The following IFNLR1 variants were observed in gnomAD, a reference collection of about 807,000 sequenced individuals.
IFNLR1 encodes interferon lambda receptor 1, also known as CRF2-12.
A neutral mutation model predicts 52.5 loss-of-function variants in IFNLR1; 28 were observed. That is an observed-to-expected ratio of 0.53 (90% CI 0.40 to 0.73). IFNLR1 has a LOEUF of 0.73. IFNLR1 is among the 30% of genes least tolerant of loss of function. The pLI, the probability that IFNLR1 is intolerant of heterozygous loss-of-function variation, is 0.00. For missense variants in IFNLR1, 623 were observed against 659.1 expected (o/e 0.95, Z 0.60); for synonymous variants, 276 against 274.9 (o/e 1.00, Z -0.04).
At chr1:24,181,856 C>T (rs1328958447) in intron 1 of IFNLR1, among the ~76,000 whole-genome samples, 1 of 152,100 alleles carries the variant, frequency 6.6e-6, no homozygotes, top group Non-Finnish European at 1.5e-5. Flanking sequence ...GTGAAGGACC[C>T]CCAGCCATGG....
chr1:24,166,275 A>G (rs1481625833), intron 3 of IFNLR1, among the ~76,000 whole-genome samples: 2 of 149,460 alleles, frequency 1.3e-5, no homozygotes, highest in South Asian at 2.1e-4. Flanking sequence ...TTTTCTTCCT[A>G]TGCCTCCTTT....
Position 24,157,029 on chromosome 1 carries a change from C to T in IFNLR1, c.*101G>A, listed in dbSNP as rs1432894930. The T allele has an allele frequency of 9.4e-6, 13 of 1,382,122 alleles. No homozygotes were observed. The East Asian group carries it at 1.2e-4, about 12-fold the overall frequency. The allele number at this position is 1,382,122 out of a possible 1,614,324, so 85.6% of individuals were successfully genotyped here. A position where few individuals can be genotyped will look rare whatever the true frequency, so the allele number is the denominator to read the frequency against. The stretch of plus-strand genomic sequence containing the variant: ...TCCCGGAAGTGCAATGCCCCTCCGC[C>T]GCCCAGGGGAGGTACGGAGGCTCTT... On this transcript the variant is annotated 3_prime_UTR_variant, in exon 7 of 7. Coordinates refer to ENST00000327535, the MANE Select transcript of IFNLR1 (RefSeq NM_170743.4). The surrounding 1 kb of genome is among the most constrained non-coding windows in gnomAD (Gnocchi z 5.1).
At chr1:24,170,121 T>C (rs1644564297) in intron 2 of IFNLR1, among the ~76,000 whole-genome samples, 1 of 152,234 alleles carries the variant, frequency 6.6e-6, no homozygotes. Context: ...CCTTCCGCTA[T>C]GCGAAGACGC....
At chr1:24,161,468 G>A in intron 4 of IFNLR1, 74 bp downstream of exon 4, 1 of 1,515,022 alleles carries the variant, frequency 6.6e-7, no homozygotes, top group Non-Finnish European at 9.0e-7. Flanking sequence ...AGCAGGCTGG[G>A]AGGGTGAGAA....
chr1:24,179,996 G>A (rs1019770209), intron 2 of IFNLR1, among the ~76,000 whole-genome samples: 2 of 152,168 alleles, frequency 1.3e-5, no homozygotes, highest in Non-Finnish European at 2.9e-5. Flanking sequence ...TGATCCCATC[G>A]GGAAAAGTGT....
intron 1 of IFNLR1, 66 bp from the exon 2 acceptor site, chr1:24,180,920 G>A (rs1172831398): frequency 3.2e-6 from 5 of 1,555,148 alleles, no homozygotes; most frequent in Non-Finnish European, 4.3e-6. Flanking sequence ...GCCATCCCAA[G>A]CTGAGGGGCA....
At chr1:24,184,693 GTGA>G (rs150166956) in intron 1 of IFNLR1, among the ~76,000 whole-genome samples, 13 of 152,074 alleles carry the variant, frequency 8.5e-5, no homozygotes, top group African/African-American at 1.7e-4. Flanking sequence ...TATCTACGAG[GTGA>G]TGATGATGAT....
At chr1:24,185,916 G>A (rs1019761373) in intron 1 of IFNLR1, among the ~76,000 whole-genome samples, 5 of 152,322 alleles carry the variant, frequency 3.3e-5, no homozygotes, top group South Asian at 4.1e-4. Flanking sequence ...TGGAAAGGGC[G>A]CTAGGCTCAG....
chr1:24,165,570 A>G (rs1044138897), intron 3 of IFNLR1, among the ~76,000 whole-genome samples: 1 of 152,216 alleles, frequency 6.6e-6, no homozygotes, highest in Non-Finnish European at 1.5e-5. Flanking sequence ...TGGAGAGGGC[A>G]ATGTGACAAG....
chr1:24,170,253 A>G (rs541500757), intron 2 of IFNLR1, among the ~76,000 whole-genome samples: 13 of 152,328 alleles, frequency 8.5e-5, no homozygotes, highest in African/African-American at 3.1e-4. Context: ...TTATTTATTA[A>G]TTGCTATTAT....
intron 3 of IFNLR1, among the ~76,000 whole-genome samples, chr1:24,168,170 T>C (rs1260943651): frequency 3.3e-5 from 5 of 152,058 alleles, no homozygotes; most frequent in African/African-American, 1.2e-4. Context: ...TCCTCCTCCA[T>C]CCCCTCCATC....
At chr1:24,187,161 C>G in intron 1 of IFNLR1, 30 bp downstream of exon 1, 1 of 1,348,478 alleles carries the variant, frequency 7.4e-7, no homozygotes, top group Non-Finnish European at 9.6e-7. Flanking sequence ...AGCCCTCTTC[C>G]CCCTCCCTCC....
intron 1 of IFNLR1, among the ~76,000 whole-genome samples, chr1:24,182,475 T>C (rs1447046497): frequency 6.6e-6 from 1 of 152,248 alleles, no homozygotes; most frequent in African/African-American, 2.4e-5. Context: ...ATGCAGTTTT[T>C]TTCCTGAAAA....
intron 4 of IFNLR1, 170 bp downstream of exon 4, chr1:24,161,352 GCAAGCAGGCCTCCTGTAGGT>G (rs1248327909): frequency 1.5e-6 from 1 of 648,942 alleles, no homozygotes; most frequent in East Asian, 2.8e-5. Context: ...TGTTGACTTG[GCAAGCAGGCCTCCTGTAGGT>G]CATCATACTT....
At chr1:24,159,224 C>G (rs1453856449) in intron 5 of IFNLR1, 42 bp from the exon 6 acceptor site, 1 of 1,610,976 alleles carries the variant, frequency 6.2e-7, no homozygotes, top group Admixed American at 1.7e-5. Flanking sequence ...AACAATGGCT[C>G]TTGTCTACAA....
intron 3 of IFNLR1, among the ~76,000 whole-genome samples, chr1:24,168,120 C>A (rs2148594078): frequency 6.6e-6 from 1 of 152,164 alleles, no homozygotes; most frequent in South Asian, 2.1e-4. Flanking sequence ...AGGCATCTAT[C>A]CTTCCATCCA....
intron 2 of IFNLR1, among the ~76,000 whole-genome samples, chr1:24,180,203 A>C (rs1386841068): frequency 6.6e-6 from 1 of 151,802 alleles, no homozygotes; most frequent in Non-Finnish European, 1.5e-5. Context: ...AGGCTGAGGC[A>C]GGAGAATCAC....
intron 3 of IFNLR1, among the ~76,000 whole-genome samples, chr1:24,166,366 A>G (rs921228689): frequency 6.6e-6 from 1 of 151,170 alleles, no homozygotes; most frequent in African/African-American, 2.4e-5. Flanking sequence ...CCATACATCC[A>G]TTCTTCTTTT....
chr1:24,162,970 T>A (rs2148590380), intron 3 of IFNLR1, among the ~76,000 whole-genome samples: 1 of 139,636 alleles, frequency 7.2e-6, no homozygotes, highest in Non-Finnish European at 1.6e-5. Context: ...CTCTTTTTTT[T>A]TTTTTTTTGA....
Sources: allele counts gnomAD v4.1 joint callset (sites outside exome capture counted in the v4.1 genomes callset), GRCh38; gene constraint gnomAD v4.1.1; non-coding constraint Gnocchi (gnomAD v3.1); transcripts MANE v1.5; gene names NCBI Gene and HGNC (gene_info 2026-07-23, HGNC 2026-07-21).